The following DESI2 variants were observed in gnomAD, a reference collection of about 807,000 sequenced individuals.
DESI2 encodes the protein desumoylating isopeptidase 2, also known as deubiquitinase DESI2.
A neutral mutation model predicts 24.1 loss-of-function variants in DESI2; 10 were observed. The ratio of observed to expected loss-of-function variants is 0.41; its 90% CI spans 0.26 to 0.70. The LOEUF is 0.70. DESI2 is among the 30% of genes least tolerant of loss of function. The probability of loss-of-function intolerance (pLI) is 0.29; values close to 1 mark genes in which losing one functional copy is unlikely to be tolerated. For synonymous variants in DESI2, 71 were observed against 87.7 expected (o/e 0.81, Z 1.06); for missense variants, 122 against 234.9 (o/e 0.52, Z 3.14).
chr1:244,656,954 T>C (rs1441184280), intron 1 of DESI2, among the ~76,000 whole-genome samples: 1 of 152,132 alleles, frequency 6.6e-6, no homozygotes, highest in African/African-American at 2.4e-5. Flanking sequence ...TTTGTATTTT[T>C]GTAGAGGTGG....
At chr1:244,674,008 T>C (rs1676331194) in intron 1 of DESI2, among the ~76,000 whole-genome samples, 1 of 147,714 alleles carries the variant, frequency 6.8e-6, no homozygotes, top group Admixed American at 6.8e-5. Flanking sequence ...TTTTTTTTTT[T>C]TTTTGAGACG....
Position 244,706,728 on chromosome 1 carries a change from C to T in DESI2, c.*939C>T, listed in dbSNP as rs1677722344. 1 of 152,506 alleles carries T rather than the reference C, an allele frequency of 6.6e-6. No individual in the cohort carries two copies. Among genetic ancestry groups the T allele is most frequent in the Non-Finnish European group, 1.5e-5 (1 of 68,032 alleles). The allele number at this position is 152,506 out of a possible 1,614,324, so 9.4% of individuals were successfully genotyped here. A position where few individuals can be genotyped will look rare whatever the true frequency, so the allele number is the denominator to read the frequency against. The stretch of plus-strand genomic sequence containing the variant: ...TATTCAGGCTACCTTTTATACTAAA[C>T]CTTGAAAACTAGAATCTAATGTCTA... On this transcript the variant is annotated 3_prime_UTR_variant, in exon 5 of 5. Coordinates refer to ENST00000302550, the MANE Select transcript of DESI2 (RefSeq NM_016076.5).
chr1:244,690,706 A>G (rs1344821171), intron 3 of DESI2, among the ~76,000 whole-genome samples: 2 of 147,910 alleles, frequency 1.4e-5, no homozygotes, highest in East Asian at 3.9e-4. Context: ...TCTCCGTCTC[A>G]CCAAAAAAAA....
At chr1:244,703,223 A>AACTGCTGACCT (rs1677546486) in intron 4 of DESI2, among the ~76,000 whole-genome samples, 1 of 152,064 alleles carries the variant, frequency 6.6e-6, no homozygotes, top group Non-Finnish European at 1.5e-5. Flanking sequence ...GCTGGTCTCG[A>AACTGCTGACCT]ACTGCTGACC....
In DESI2 at chr1:244,708,634, C is replaced by CTCCT. The variant is rs1359847338; in HGVS notation, c.*2847_*2850dup. 6.6e-6 allele frequency: 1 copy of CTCCT among 152,626 alleles called. No homozygotes were observed. Among genetic ancestry groups the CTCCT allele is most frequent in the Non-Finnish European group, 1.5e-5 (1 of 68,038 alleles). 9.5% of individuals were successfully genotyped at this position (152,626 alleles called of 1,614,324 possible). On this transcript the variant is annotated 3_prime_UTR_variant, in exon 5 of 5. Transcript: ENST00000302550. ...TGCTTCAGGGTTCTAATCTGTGTGT[C>CTCCT]TCCTTATGACTCCATTTCTGTAAGC... is the stretch of plus-strand genomic sequence containing the variant.
intron 1 of DESI2, chr1:244,656,465 A>G (rs1381216224): frequency 2.0e-5 from 3 of 152,178 alleles, no homozygotes; most frequent in Admixed American, 6.5e-5. Flanking sequence ...CTTATCAGTG[A>G]TTATGTTCCT....
intron 1 of DESI2, among the ~76,000 whole-genome samples, chr1:244,664,411 C>A (rs930425561): frequency 1.6e-4 from 25 of 152,108 alleles, no homozygotes; most frequent in African/African-American, 6.0e-4. Context: ...AAGACGTAAT[C>A]CATATGGTGT....
chr1:244,688,225 T>C (rs1466648565), intron 2 of DESI2, among the ~76,000 whole-genome samples: 3 of 152,212 alleles, frequency 2.0e-5, no homozygotes, highest in Non-Finnish European at 4.4e-5. Context: ...AATGGGTCTG[T>C]GACTTTCCGT....
intron 4 of DESI2, among the ~76,000 whole-genome samples, chr1:244,697,018 C>CT (rs1457151344): frequency 6.6e-6 from 1 of 152,134 alleles, no homozygotes; most frequent in Non-Finnish European, 1.5e-5. Flanking sequence ...CTACCTGACT[C>CT]TATTAGGAGA....
chr1:244,679,746 C>G (rs1380524780), intron 1 of DESI2, among the ~76,000 whole-genome samples: 1 of 152,084 alleles, frequency 6.6e-6, no homozygotes, highest in South Asian at 2.1e-4. Flanking sequence ...CAGCACAAGC[C>G]TGTAATCCCC....
At chr1:244,653,760 GCTT>G (rs1250979627) in intron 1 of DESI2, 1 of 334,792 alleles carries the variant, frequency 3.0e-6, no homozygotes, top group African/African-American at 2.2e-5. Context: ...CAGCTCCTCT[GCTT>G]CTGCCGAACT....
Position 244,696,009 on chromosome 1 carries a change from A to G in DESI2, c.351+3989A>G, listed in dbSNP as rs200251169. ...GGTCTGGAACTCCTGGACTCAAGCA[A>G]TCCTCCCACCTCAGCCTCCCAAAAT... On this transcript the variant is annotated intron_variant, in intron 4 of 4. Coordinates refer to ENST00000302550, the MANE Select transcript of DESI2 (RefSeq NM_016076.5). 1.8e-4 allele frequency among the ~76,000 whole-genome samples: 27 copies of G among 152,196 alleles called. No individual in the cohort carries two copies. The East Asian group carries it at 3.5e-3, about 20-fold the overall frequency.
intron 1 of DESI2, among the ~76,000 whole-genome samples, chr1:244,683,912 C>CT (rs1447521824): frequency 6.6e-6 from 1 of 150,970 alleles, no homozygotes; most frequent in Non-Finnish European, 1.5e-5. Context: ...CCTGTGTTGC[C>CT]TAGGGGGGTC....
Position 244,708,738 on chromosome 1 carries a change from C to T in DESI2, c.*2949C>T, listed in dbSNP as rs1421432766. 1 of 152,616 alleles carries T rather than the reference C, an allele frequency of 6.6e-6. No homozygotes were observed. The highest frequency in any genetic ancestry group is 1.5e-5 in the Non-Finnish European group (1 of 68,052). 9.5% of individuals were successfully genotyped at this position (152,616 alleles called of 1,614,324 possible). A position where few individuals can be genotyped will look rare whatever the true frequency, so the allele number is the denominator to read the frequency against. On this transcript the variant is annotated 3_prime_UTR_variant, in exon 5 of 5. Coordinates refer to ENST00000302550, the MANE Select transcript of DESI2 (RefSeq NM_016076.5). ...TTTTTTCAGCAAGCTAGCCATACAA[C>T]CATTGTATCTCTTTCTCTTCAGTAT... is the stretch of plus-strand genomic sequence containing the variant.
chr1:244,681,640 A>G (rs865934112), intron 1 of DESI2, among the ~76,000 whole-genome samples: 2 of 152,198 alleles, frequency 1.3e-5, no homozygotes, highest in Non-Finnish European at 1.5e-5. Flanking sequence ...AGTACATACA[A>G]ATAGTTTTGG....
rs1171092702 is a variant in DESI2 at position 244,708,364 on chromosome 1, T to A, written c.*2575T>A. On this transcript the variant is annotated 3_prime_UTR_variant, in exon 5 of 5. Transcript: ENST00000302550. The stretch of plus-strand genomic sequence containing the variant: ...ATCAGCTTTGGAAAGTGTGACTCTG[T>A]AGGAGTGTAGAAGGCAGTGGTGTAT... 6.6e-6 allele frequency: 1 copy of A among 152,622 alleles called. No individual in the cohort carries two copies. The highest frequency in any genetic ancestry group is 1.5e-5 in the Non-Finnish European group (1 of 68,044). 9.5% of individuals were successfully genotyped at this position (152,622 alleles called of 1,614,324 possible).
At chr1:244,669,481 C>T (rs563823376) in intron 1 of DESI2, among the ~76,000 whole-genome samples, 100 of 152,116 alleles carry the variant, frequency 6.6e-4, no homozygotes, top group African/African-American at 2.4e-3. Flanking sequence ...GAGTTCGAGA[C>T]TAGCCTGACC....
chr1:244,675,223 A>C (rs1200917290), intron 1 of DESI2, among the ~76,000 whole-genome samples: 1 of 151,948 alleles, frequency 6.6e-6, no homozygotes, highest in Non-Finnish European at 1.5e-5. Context: ...TGACTTGCCA[A>C]AATTTTCTCC....
chr1:244,691,904 G>A lies in DESI2; in HGVS notation c.235G>A (p.Asp79Asn), dbSNP rs1361510403. 1 of 1,585,164 alleles carries A rather than the reference G, an allele frequency of 6.3e-7. No homozygotes were observed. The highest frequency in any genetic ancestry group is 1.4e-5 in the African/African-American group (1 of 73,208). ...AGAAGCTGTTGTTTTAGGGAGCACG[G>A]ACTTCCTAGAAGATGATATAGAAAA... ...FKEAVVLGST[D>N]FLEDDIEKIV... The change falls in exon 4 of 5, where the codon GAC becomes AAC. Residue 79 changes from aspartate (D) to asparagine (N), a missense_variant. Transcript: ENST00000302550.
Sources: allele counts gnomAD v4.1 joint callset (sites outside exome capture counted in the v4.1 genomes callset), GRCh38; gene constraint gnomAD v4.1.1; transcripts MANE v1.5; gene names NCBI Gene and HGNC (gene_info 2026-07-23, HGNC 2026-07-21).